Variants in VWA3A observed in about 807,000 individuals in gnomAD.
VWA3A encodes von Willebrand factor A domain-containing protein 3A.
In VWA3A, 134 loss-of-function variants were observed where a neutral mutation model predicts 160.4. That is an observed-to-expected ratio of 0.84 (90% CI 0.73 to 0.96). The LOEUF (loss-of-function observed/expected upper bound fraction) is 0.96, where lower values mean the gene tolerates loss of function less well. Ranked by LOEUF, VWA3A falls within the 40% of genes least tolerant of loss-of-function variation. The pLI is 0.00. For synonymous variants in VWA3A, 476 were observed against 543.4 expected (o/e 0.88, Z 1.72); for missense variants, 1,310 against 1,447.9 (o/e 0.90, Z 1.55).
rs1452211847 is a variant in VWA3A, at chr16:22,140,198, A to G, written c.2337A>G (p.Lys779=). ...ACAGAGAGAAGAGCCCCCCGCTGAA[A>G]TCTCTGAAATGGCGTCCACTCAGTA... ...DPDREKSPPL[K]SLKWRPLSSR... is the part of the protein sequence containing the mutation. Residue 779 remains lysine (K), a synonymous_variant, in exon 23 of 34, where the codon AAA becomes AAG. Transcript: ENST00000389398. The G allele has an allele frequency of 6.2e-7, 1 of 1,613,782 alleles. No individual in the cohort carries two copies. Among genetic ancestry groups the G allele is most frequent in the Non-Finnish European group, 8.5e-7 (1 of 1,179,792 alleles).
intron 16 of VWA3A, among the ~76,000 whole-genome samples, chr16:22,124,487 G>A (rs2045805360): frequency 6.7e-6 from 1 of 149,560 alleles, no homozygotes; most frequent in African/African-American, 2.4e-5. Flanking sequence ...CTTGTTTGAT[G>A]AATTAACATT....
At chr16:22,105,185 C>T (rs2045463172) in intron 6 of VWA3A, among the ~76,000 whole-genome samples, 1 of 152,162 alleles carries the variant, frequency 6.6e-6, no homozygotes, top group African/African-American at 2.4e-5. Flanking sequence ...ACTCCATAGG[C>T]ATCCACGTAG....
intron 13 of VWA3A, 44 bp from the exon 14 acceptor site, chr16:22,121,470 G>T: frequency 6.8e-7 from 1 of 1,477,428 alleles, no homozygotes; most frequent in South Asian, 1.1e-5. Context: ...TGAACCCTTT[G>T]GAGCTTCTCA....
chr16:22,140,388 A>T lies in VWA3A; in HGVS notation c.2383+144A>T, dbSNP rs949590421. ...TTTTGGAGGCTGAGGTGGAAGGATCACTTGAGGTCAGGAGTTCAAGACAAG... is the reference window on the plus strand; with the variant it reads ...TTTTGGAGGCTGAGGTGGAAGGATCTCTTGAGGTCAGGAGTTCAAGACAAG... On this transcript the variant is annotated intron_variant, in intron 23 of 33. Coordinates refer to ENST00000389398, the MANE Select transcript of VWA3A (RefSeq NM_173615.5). 8 of 715,454 alleles carry T rather than the reference A, an allele frequency of 1.1e-5. No individual in the cohort carries two copies. In the Admixed American group the frequency reaches 1.6e-4, roughly 14 times the overall value. The allele number at this position is 715,454 out of a possible 1,614,324, so 44.3% of individuals were successfully genotyped here.
intron 6 of VWA3A, among the ~76,000 whole-genome samples, chr16:22,107,381 C>T (rs868560922): frequency 2.6e-5 from 4 of 152,238 alleles, no homozygotes; most frequent in Middle Eastern, 6.8e-3. Context: ...GCCCAAATGT[C>T]AATAGTGCCA....
At position 22,146,302 on chromosome 16, in the gene VWA3A, G is replaced by A. The variant is rs1349934974; in HGVS notation, c.2797G>A (p.Val933Met). ...GGTGTACATCAGGCACTTGGAGAAG[G>A]TGTTAAGGCGCTATGTCCAGAGGCT... Reference protein sequence around the residue: ...MEVYIRHLEKVLRRYVQRLQW... With the variant: ...MEVYIRHLEKMLRRYVQRLQW... The change falls in exon 27 of 34, where the codon GTG (valine) becomes ATG (methionine). Residue 933 changes from valine to methionine, a missense_variant. By Grantham distance (21) the Val-to-Met change is conservative. Transcript: ENST00000389398. 5.6e-6 allele frequency: 9 copies of A among 1,613,646 alleles called. No homozygotes were observed. The highest frequency in any genetic ancestry group is 6.8e-6 in the Non-Finnish European group (8 of 1,179,724).
intron 27 of VWA3A, chr16:22,147,756 T>G (rs1209818475): frequency 7.3e-6 from 5 of 685,146 alleles, no homozygotes; most frequent in Non-Finnish European, 1.3e-5. Context: ...TCCAGCGATT[T>G]CTTTTGTAGT....
At chr16:22,129,339 A>T (rs986356011) in intron 17 of VWA3A, among the ~76,000 whole-genome samples, 2 of 148,462 alleles carry the variant, frequency 1.3e-5, no homozygotes, top group Non-Finnish European at 3.0e-5. Context: ...CAGTGAGCCG[A>T]GATTGCGCCA....
At chr16:22,140,341 C>A in intron 23 of VWA3A, 97 bp downstream of exon 23, 1 of 1,186,512 alleles carries the variant, frequency 8.4e-7, no homozygotes, top group Non-Finnish European at 1.2e-6. Context: ...CGTGTGGAAG[C>A]TCGTGCCTAT....
chr16:22,098,911 CAAA>C (rs900328333), intron 3 of VWA3A, among the ~76,000 whole-genome samples: 2 of 41,026 alleles, frequency 4.9e-5, no homozygotes, highest in African/African-American at 1.0e-4. Context: ...CCTGTTTCCA[CAAA>C]AAAAAAAAAA....
chr16:22,133,071 C>T lies in VWA3A; in HGVS notation c.2044C>T (p.Arg682Cys), dbSNP rs780587436. The change falls in exon 20 of 34, where the codon CGC becomes TGC. Residue 682 changes from arginine (R) to cysteine (C), a missense_variant. Transcript: ENST00000389398. ...YKEVTRAAGG[R>C]FHWFGDTGIY... ...GGAGGTCACCCGGGCTGCAGGTGGC[C>T]GCTTCCACTGGTTTGGAGACACAGG... 5.6e-6 allele frequency: 9 copies of T among 1,613,304 alleles called. No homozygotes were observed. The highest frequency in any genetic ancestry group is 1.3e-5 in the African/African-American group (1 of 75,030).
intron 24 of VWA3A, 21 bp downstream of exon 24, chr16:22,141,713 G>T (rs373411523): frequency 2.5e-6 from 4 of 1,582,358 alleles, no homozygotes; most frequent in East Asian, 2.3e-5. Flanking sequence ...GGCTATACAG[G>T]TGTCTGGACA....
intron 3 of VWA3A, 72 bp downstream of exon 3, chr16:22,097,767 C>A: frequency 6.6e-7 from 1 of 1,522,480 alleles, no homozygotes; most frequent in Admixed American, 2.1e-5. Context: ...GTGTTAAATT[C>A]TGGGGATTTC....
At chr16:22,146,582 G>A (rs1046076648) in intron 27 of VWA3A, among the ~76,000 whole-genome samples, 1 of 152,008 alleles carries the variant, frequency 6.6e-6, no homozygotes, top group African/African-American at 2.4e-5. Flanking sequence ...TCAGTAGTTC[G>A]AAACCAGCCT....
intron 13 of VWA3A, 104 bp from the exon 14 acceptor site, chr16:22,121,410 C>T: frequency 1.0e-6 from 1 of 981,574 alleles, no homozygotes; most frequent in South Asian, 1.4e-5. Flanking sequence ...TGCCACTGCA[C>T]TCTAGCCTGG....
chr16:22,141,596 A>G lies in VWA3A; in HGVS notation c.2398A>G (p.Thr800Ala), dbSNP rs373357918. The G allele has an allele frequency of 3.1e-6, 5 of 1,611,322 alleles. No homozygotes were observed. The highest frequency in any genetic ancestry group is 1.3e-5 in the African/African-American group (1 of 74,886). ...VGISPAAAQP[T>A]KEGMMELRRK... ...ATGTTCCTCAGCTGCGGCCCAGCCA[A>G]CGAAAGAAGGGATGATGGAACTGAG... The change falls in exon 24 of 34, where the codon ACG becomes GCG. Residue 800 changes from threonine (T) to alanine (A), a missense_variant. By Grantham distance (58) the Thr-to-Ala change is moderately conservative. Coordinates refer to ENST00000389398, the MANE Select transcript of VWA3A (RefSeq NM_173615.5).
Position 22,132,382 on chromosome 16 carries a change from C to CA in VWA3A, c.1873-502dup, listed in dbSNP as rs775248257. ...GGGCGACAAAAGCGAAACTCCATCT[C>CA]AAAAAAAAAAAAAAAATTAACCAGG... is the stretch of plus-strand genomic sequence containing the variant. On this transcript the variant is annotated intron_variant, in intron 19 of 33. Transcript: ENST00000389398. Among the ~76,000 whole-genome samples the CA allele has an allele frequency of 6.0e-3, 688 of 115,090 alleles. 3 individuals carry two copies. The highest frequency in any genetic ancestry group is 0.015 in the East Asian group (60 of 3,940). 75.5% of individuals were successfully genotyped at this position (115,090 alleles called of 152,430 possible). A position where few individuals can be genotyped will look rare whatever the true frequency, so the allele number is the denominator to read the frequency against.
At chr16:22,101,913 T>C (rs2045413290) in intron 5 of VWA3A, among the ~76,000 whole-genome samples, 1 of 152,236 alleles carries the variant, frequency 6.6e-6, no homozygotes, top group South Asian at 2.1e-4. Flanking sequence ...AAATTGACTT[T>C]TAGCAAATTG....
At chr16:22,151,846 CATAAGTGTA>C (rs2046353391) in intron 30 of VWA3A, among the ~76,000 whole-genome samples, 1 of 152,140 alleles carries the variant, frequency 6.6e-6, no homozygotes, top group Non-Finnish European at 1.5e-5. Flanking sequence ...CCATGAGCCC[CATAAGTGTA>C]ATATGTGTGT....
Sources: gnomAD v4.1 joint callset for allele counts (sites outside exome capture counted in the v4.1 genomes callset) on GRCh38, gnomAD v4.1.1 for gene constraint, MANE v1.5 for transcripts, NCBI Gene and HGNC (gene_info 2026-07-23, HGNC 2026-07-21) for gene names.